Variants in PTPRD observed in about 807,000 individuals in gnomAD.
PTPRD encodes the protein protein tyrosine phosphatase receptor type D.
PTPRD carries 34 observed loss-of-function variants against 214.5 expected under a neutral mutation model. That is an observed-to-expected ratio of 0.16 (90% CI 0.12 to 0.21). PTPRD has a LOEUF of 0.21. PTPRD is among the 10% of genes least tolerant of loss of function. The pLI, the probability that PTPRD is intolerant of heterozygous loss-of-function variation, is 1.00. For synonymous variants in PTPRD, 1,128 were observed against 845.7 expected (o/e 1.33, Z -5.79); for missense variants, 2,545 against 2,398.7 (o/e 1.06, Z -1.27).
In PTPRD at chr9:9,636,953, T is replaced by C. The variant is rs144047926; in HGVS notation, c.-286-62172A>G. 1.5e-3 allele frequency among the ~76,000 whole-genome samples: 223 copies of C among 152,128 alleles called. 5 individuals carry two copies. The East Asian group carries it at 0.027, about 19-fold the overall frequency. Reference sequence around the variant, plus strand: ...ACCTTGAAGCTTGTATCCTCCAGAGTTGGGGAATGGTGTGTCCTCACATGG... The same window carrying C: ...ACCTTGAAGCTTGTATCCTCCAGAGCTGGGGAATGGTGTGTCCTCACATGG... On this transcript the variant is annotated intron_variant, in intron 7 of 45. Transcript: ENST00000381196.
In PTPRD at chr9:9,324,169, T is replaced by C. The variant is rs1352897800; in HGVS notation, c.-203+73280A>G. On this transcript the variant is annotated intron_variant, in intron 9 of 45. Coordinates refer to ENST00000381196, the MANE Select transcript of PTPRD (RefSeq NM_002839.4). The stretch of plus-strand genomic sequence containing the variant: ...AAACATACGTGTGCATGTGTCTTTA[T>C]AGCAGCATGATTTACAATCCTTTGG... Among the ~76,000 whole-genome samples, 6 of 152,328 alleles carry C rather than the reference T, an allele frequency of 3.9e-5. No individual in the cohort carries two copies. In the East Asian group the frequency reaches 7.7e-4, roughly 20 times the overall value.
intron 30 of PTPRD, among the ~76,000 whole-genome samples, chr9:8,481,706 T>G (rs941373527): frequency 6.6e-6 from 1 of 152,208 alleles, no homozygotes; most frequent in Admixed American, 6.5e-5. Context: ...CCCTCATTGC[T>G]TCAATGATTC....
intron 9 of PTPRD, among the ~76,000 whole-genome samples, chr9:9,394,540 G>A (rs576561483): frequency 2.0e-5 from 3 of 151,914 alleles, no homozygotes; most frequent in Admixed American, 6.6e-5. Context: ...ATATTTTTGT[G>A]CCCCAGTTTT....
chr9:9,226,412 T>A (rs2099959510), intron 9 of PTPRD, among the ~76,000 whole-genome samples: 1 of 152,046 alleles, frequency 6.6e-6, no homozygotes, highest in African/African-American at 2.4e-5. Context: ...GACTCACTTT[T>A]TCCTTACTGT....
At chr9:8,888,010 G>GA in intron 11 of PTPRD, among the ~76,000 whole-genome samples, 1 of 152,274 alleles carries the variant, frequency 6.6e-6, no homozygotes, top group Non-Finnish European at 1.5e-5. Flanking sequence ...CAAACGTGGG[G>GA]ATTTTAAATC....
intron 5 of PTPRD, among the ~76,000 whole-genome samples, chr9:9,768,838 C>A (rs2098727810): frequency 6.6e-6 from 1 of 152,098 alleles, no homozygotes; most frequent in Non-Finnish European, 1.5e-5. Context: ...CACAGAGAAA[C>A]GTGGTACGAA....
At chr9:9,026,261 G>A (rs2099586781) in intron 10 of PTPRD, among the ~76,000 whole-genome samples, 1 of 151,906 alleles carries the variant, frequency 6.6e-6, no homozygotes, top group South Asian at 2.1e-4. Flanking sequence ...CAGCTTTAGT[G>A]CTTGAAGAAC....
intron 35 of PTPRD, among the ~76,000 whole-genome samples, chr9:8,433,021 A>T (rs1298034997): frequency 6.6e-6 from 1 of 152,260 alleles, no homozygotes; most frequent in Non-Finnish European, 1.5e-5. Flanking sequence ...TGAAAATTCC[A>T]CATTTAAAAG....
intron 3 of PTPRD, among the ~76,000 whole-genome samples, chr9:10,141,065 A>C (rs956183031): frequency 2.0e-5 from 3 of 152,178 alleles, no homozygotes; most frequent in Non-Finnish European, 4.4e-5. Flanking sequence ...CATGCTAAAA[A>C]TTCTCAATAA....
intron 2 of PTPRD, among the ~76,000 whole-genome samples, chr9:10,505,508 G>C (rs1012033683): frequency 1.3e-5 from 2 of 152,042 alleles, no homozygotes; most frequent in Non-Finnish European, 2.9e-5. Flanking sequence ...GTCAACAGTG[G>C]GTAATCAAGA....
chr9:9,411,053 ATG>A (rs1173630881), intron 8 of PTPRD, among the ~76,000 whole-genome samples: 1 of 150,770 alleles, frequency 6.6e-6, no homozygotes, highest in Non-Finnish European at 1.5e-5. Flanking sequence ...GTGTGTGTGT[ATG>A]TGTGTGTGTG....
intron 12 of PTPRD, among the ~76,000 whole-genome samples, chr9:8,646,531 C>G (rs1008511500): frequency 1.3e-5 from 2 of 151,992 alleles, no homozygotes; most frequent in African/African-American, 4.8e-5. Context: ...ACAGGCTGTT[C>G]CCTCATGTAA....
At chr9:9,389,754 CTTGT>C (rs1288830300) in intron 9 of PTPRD, among the ~76,000 whole-genome samples, 1 of 152,122 alleles carries the variant, frequency 6.6e-6, no homozygotes, top group African/African-American at 2.4e-5. Context: ...TATTCATTTA[CTTGT>C]TTATTTCTAT....
chr9:8,424,950 C>A (rs1234550888), intron 35 of PTPRD, among the ~76,000 whole-genome samples: 1 of 152,172 alleles, frequency 6.6e-6, no homozygotes, highest in Non-Finnish European at 1.5e-5. Context: ...ACTAATGTTT[C>A]CCAAGGCCTA....
intron 11 of PTPRD, among the ~76,000 whole-genome samples, chr9:8,789,158 G>T (rs1339600091): frequency 2.6e-5 from 4 of 152,018 alleles, no homozygotes; most frequent in Non-Finnish European, 5.9e-5. Context: ...CTCAATTAGA[G>T]TATGAGTAAA....
chr9:10,241,737 A>G lies in PTPRD; in HGVS notation c.-545+99226T>C, dbSNP rs551878686. Among the ~76,000 whole-genome samples the G allele has an allele frequency of 1.2e-4, 19 of 152,020 alleles. No individual in the cohort carries two copies. The South Asian group carries it at 3.5e-3, about 28-fold the overall frequency. On this transcript the variant is annotated intron_variant, in intron 3 of 45. Coordinates refer to ENST00000381196, the MANE Select transcript of PTPRD (RefSeq NM_002839.4). ...AAGGGGCACCAAGAAACTTTTGGGG[A>G]TGATGGATCTGTTTATTATTTTCAT...
In PTPRD at chr9:9,183,073, T is replaced by C. The variant is rs1472285168; in HGVS notation, c.-143+231A>G. 2.0e-5 allele frequency among the ~76,000 whole-genome samples: 3 copies of C among 152,158 alleles called. No individual in the cohort carries two copies. In the East Asian group the frequency reaches 5.8e-4, roughly 29 times the overall value. On this transcript the variant is annotated intron_variant, in intron 10 of 45. Coordinates refer to ENST00000381196, the MANE Select transcript of PTPRD (RefSeq NM_002839.4). ...TCATATATAATTCAGAACTGAAAAATAAATCTCTCATTGACAGATTTCTTA... is the reference window on the plus strand; with the variant it reads ...TCATATATAATTCAGAACTGAAAAACAAATCTCTCATTGACAGATTTCTTA...
At chr9:8,750,753 A>G (rs892498) in intron 11 of PTPRD, among the ~76,000 whole-genome samples, 11,596 of 152,138 alleles carry the variant, frequency 0.076, 1,215 homozygotes, top group African/African-American at 0.24. Flanking sequence ...TACCAGGCAG[A>G]CTGGGAAAAT....
At chr9:8,593,655 C>T (rs369578092) in intron 14 of PTPRD, among the ~76,000 whole-genome samples, 1 of 152,112 alleles carries the variant, frequency 6.6e-6, no homozygotes, top group African/African-American at 2.4e-5. Flanking sequence ...GTGTGAAACA[C>T]TGTATCATAA....
Sources: gnomAD v4.1 joint callset for allele counts (sites outside exome capture counted in the v4.1 genomes callset) on GRCh38, gnomAD v4.1.1 for gene constraint, MANE v1.5 for transcripts, NCBI Gene and HGNC (gene_info 2026-07-23, HGNC 2026-07-21) for gene names.